Variants in OPCML observed in about 807,000 individuals in gnomAD.
OPCML encodes the protein opioid-binding protein/cell adhesion molecule.
A neutral mutation model predicts 37.8 loss-of-function variants in OPCML; 13 were observed. The ratio of observed to expected loss-of-function variants is 0.34; its 90% CI spans 0.22 to 0.55. The LOEUF (loss-of-function observed/expected upper bound fraction) is 0.55, where lower values mean the gene tolerates loss of function less well. Among genes scored for constraint, OPCML ranks in the 20% least tolerant of loss-of-function variants. OPCML has a pLI of 0.91. For synonymous variants in OPCML, 176 were observed against 168.8 expected (o/e 1.04, Z -0.33); for missense variants, 341 against 435.6 (o/e 0.78, Z 1.93).
At chr11:132,811,259 G>C (rs1221803371) in intron 2 of OPCML, among the ~76,000 whole-genome samples, 2 of 152,120 alleles carry the variant, frequency 1.3e-5, no homozygotes, top group African/African-American at 4.8e-5. Context: ...TTAAAATCCT[G>C]CCCAGACATA....
chr11:133,050,006 T>C (rs1368393500), intron 1 of OPCML, among the ~76,000 whole-genome samples: 1 of 152,226 alleles, frequency 6.6e-6, no homozygotes, highest in African/African-American at 2.4e-5. Context: ...TGACTTTAAA[T>C]TAATCCAAAG....
At chr11:132,602,364 A>G (rs1156394001) in intron 3 of OPCML, among the ~76,000 whole-genome samples, 2 of 152,328 alleles carry the variant, frequency 1.3e-5, no homozygotes, top group East Asian at 3.9e-4. Flanking sequence ...ATAGATTGTT[A>G]TACTGCACCT....
At chr11:132,466,317 CAA>C (rs35491939) in intron 4 of OPCML, among the ~76,000 whole-genome samples, 15,605 of 105,166 alleles carry the variant, frequency 0.15, 1,070 homozygotes, top group East Asian at 0.4. Flanking sequence ...ACTAAAAATA[CAA>C]AAAAAAAAAA....
intron 2 of OPCML, among the ~76,000 whole-genome samples, chr11:132,789,809 A>G (rs1467131425): frequency 1.3e-5 from 2 of 152,210 alleles, no homozygotes; most frequent in Non-Finnish European, 2.9e-5. Context: ...AACATCAGCA[A>G]TGCCCCTCAT....
At chr11:133,441,389 C>T (rs1733310675) in intron 1 of OPCML, among the ~76,000 whole-genome samples, 1 of 152,024 alleles carries the variant, frequency 6.6e-6, no homozygotes, top group Non-Finnish European at 1.5e-5. Context: ...AATTAAGAAA[C>T]AGATCCATGA....
intron 1 of OPCML, among the ~76,000 whole-genome samples, chr11:133,129,303 G>C (rs999132528): frequency 1.3e-5 from 2 of 152,138 alleles, no homozygotes; most frequent in African/African-American, 2.4e-5. Context: ...GCAGGGGAGA[G>C]GGTTAGTAGT....
chr11:132,982,361 C>T (rs1946605682), intron 1 of OPCML, among the ~76,000 whole-genome samples: 1 of 152,106 alleles, frequency 6.6e-6, no homozygotes, highest in African/African-American at 2.4e-5. Context: ...ACTGCAGTTC[C>T]TTGGGTGTTT....
chr11:133,525,619 AG>A (rs1274189834), intron 1 of OPCML, among the ~76,000 whole-genome samples: 2 of 152,218 alleles, frequency 1.3e-5, no homozygotes, highest in African/African-American at 4.8e-5. Context: ...AAGTTTTTCC[AG>A]GTGATCCATA....
chr11:132,975,142 C>T (rs1946429608), intron 1 of OPCML, among the ~76,000 whole-genome samples: 1 of 150,966 alleles, frequency 6.6e-6, no homozygotes, highest in Admixed American at 6.6e-5. Context: ...CAATATAGAC[C>T]AAGTCTATAT....
At chr11:132,568,100 C>T (rs7945386) in intron 3 of OPCML, among the ~76,000 whole-genome samples, 8,190 of 151,694 alleles carry the variant, frequency 0.054, 444 homozygotes, top group African/African-American at 0.12. Flanking sequence ...AAAAAACTTT[C>T]CTATTAAGCA....
intron 2 of OPCML, among the ~76,000 whole-genome samples, chr11:132,813,748 C>T (rs1254362667): frequency 6.6e-6 from 1 of 152,146 alleles, no homozygotes; most frequent in Non-Finnish European, 1.5e-5. Context: ...CAACCTTGAA[C>T]TACTTTAACC....
intron 1 of OPCML, among the ~76,000 whole-genome samples, chr11:132,997,825 G>T (rs1176798308): frequency 6.6e-6 from 1 of 152,154 alleles, no homozygotes; most frequent in East Asian, 1.9e-4. Context: ...ACTATACCAA[G>T]CACATCTTGG....
At chr11:132,908,842 G>A (rs1186991087) in intron 2 of OPCML, among the ~76,000 whole-genome samples, 1 of 152,200 alleles carries the variant, frequency 6.6e-6, no homozygotes, top group African/African-American at 2.4e-5. Flanking sequence ...CATCACATTT[G>A]GTGGTCACAG....
In OPCML at chr11:133,363,265, G is replaced by A. The variant is rs79251418; in HGVS notation, c.61+168999C>T. Among the ~76,000 whole-genome samples the A allele has an allele frequency of 6.4e-3, 974 of 152,320 alleles. 8 individuals are homozygous for A. The highest frequency in any genetic ancestry group is 0.022 in the African/African-American group (935 of 41,558). Reference sequence around the variant, plus strand: ...GGAGACAGCGCTTCCTACACGTGCCGTAGGAGCTTCCTGGGCAGAACAGAA... The same window carrying A: ...GGAGACAGCGCTTCCTACACGTGCCATAGGAGCTTCCTGGGCAGAACAGAA... On this transcript the variant is annotated intron_variant, in intron 1 of 7. Coordinates refer to ENST00000524381, the MANE Select transcript of OPCML (RefSeq NM_001012393.5).
chr11:133,450,172 C>A (rs951588506), intron 1 of OPCML, among the ~76,000 whole-genome samples: 1 of 151,746 alleles, frequency 6.6e-6, no homozygotes, highest in Non-Finnish European at 1.5e-5. Flanking sequence ...AATTAACCAA[C>A]TTTGCCGCTT....
intron 1 of OPCML, among the ~76,000 whole-genome samples, chr11:133,063,576 T>TA (rs1373039065): frequency 1.8e-4 from 27 of 151,886 alleles, no homozygotes; most frequent in African/African-American, 5.8e-4. Context: ...TGGTTTTTTT[T>TA]TTCGGAGGGA....
At chr11:133,072,077 C>T (rs779868600) in intron 1 of OPCML, among the ~76,000 whole-genome samples, 25 of 152,206 alleles carry the variant, frequency 1.6e-4, no homozygotes, top group Non-Finnish European at 2.4e-4. Context: ...ACTCGGGCCA[C>T]ATGAAGTTAT....
intron 1 of OPCML, among the ~76,000 whole-genome samples, chr11:133,326,275 G>GTA (rs1943446848): frequency 8.7e-6 from 1 of 115,048 alleles, no homozygotes; most frequent in Non-Finnish European, 1.7e-5. Context: ...GTGTGTATGT[G>GTA]TGTGGGGGTG....
chr11:133,220,121 G>C (rs566184405), intron 1 of OPCML, among the ~76,000 whole-genome samples: 1 of 152,106 alleles, frequency 6.6e-6, no homozygotes, highest in Non-Finnish European at 1.5e-5. Context: ...CATTCAGCTG[G>C]GAAGTTGGAC....
Sources: gnomAD v4.1 joint callset for allele counts (sites outside exome capture counted in the v4.1 genomes callset) on GRCh38, gnomAD v4.1.1 for gene constraint, MANE v1.5 for transcripts, NCBI Gene and HGNC (gene_info 2026-07-23, HGNC 2026-07-21) for gene names.